RNF6: variants seen among roughly 807,000 people sequenced by gnomAD.
RNF6 encodes the protein ring finger protein 6.
Under a neutral mutation model 50.1 loss-of-function variants are expected in RNF6, and 21 were observed. That is an observed-to-expected ratio of 0.42 (90% CI 0.30 to 0.60). The LOEUF (loss-of-function observed/expected upper bound fraction) is 0.60. Ranked by LOEUF, RNF6 falls within the 20% of genes least tolerant of loss-of-function variation. The probability of loss-of-function intolerance (pLI) is 0.20; values close to 1 mark genes in which losing one functional copy is unlikely to be tolerated. For synonymous variants in RNF6, 255 were observed against 291.8 expected (o/e 0.87, Z 1.29); for missense variants, 698 against 838.2 (o/e 0.83, Z 2.07).
chr13:26,159,583 C>A (rs2137605458), intron 5 of RNF6, among the ~76,000 whole-genome samples: 1 of 152,040 alleles, frequency 6.6e-6, no homozygotes, highest in East Asian at 1.9e-4. Flanking sequence ...AGAGAACACG[C>A]TACTGCACTC....
chr13:26,203,225 A>T (rs1426754479), intron 5 of RNF6, among the ~76,000 whole-genome samples: 3 of 152,244 alleles, frequency 2.0e-5, no homozygotes, highest in Non-Finnish European at 4.4e-5. Flanking sequence ...GAGGCTTGGC[A>T]GACCTTAAGA....
chr13:26,160,098 A>C (rs76903109), intron 5 of RNF6, among the ~76,000 whole-genome samples: 20,163 of 152,134 alleles, frequency 0.13, 1,702 homozygotes, highest in Admixed American at 0.2. Flanking sequence ...CTCTAGAAAA[A>C]AAAATTGCCT....
chr13:26,150,758 G>A (rs1871549001), intron 5 of RNF6: 1 of 151,462 alleles, frequency 6.6e-6, no homozygotes, highest in Non-Finnish European at 1.5e-5. Context: ...ATACTTTTAT[G>A]TACAAGGCTA....
At position 26,141,158 on chromosome 13, in the gene RNF6, G is replaced by A. The variant is rs571865607; in HGVS notation, n.769-8707C>T. The stretch of plus-strand genomic sequence containing the variant: ...AATTCATATGGAACCAAAGAAGAGC[G>A]TGAATAGCCGAAGCAATCCTAAGCA... On this transcript the variant is annotated intron_variant and non_coding_transcript_variant, in intron 5 of 5. Coordinates refer to the RNF6 transcript ENST00000468480. Among the ~76,000 whole-genome samples, 54 of 152,194 alleles carry A rather than the reference G, an allele frequency of 3.5e-4. No individual in the cohort carries two copies. In the South Asian group the frequency reaches 8.1e-3, roughly 23 times the overall value.
intron 5 of RNF6, among the ~76,000 whole-genome samples, chr13:26,174,480 A>G (rs952007249): frequency 3.1e-5 from 4 of 128,150 alleles, no homozygotes; most frequent in Non-Finnish European, 7.1e-5. Context: ...GTGCAACCCC[A>G]TCTCTACTAA....
intron 5 of RNF6, among the ~76,000 whole-genome samples, chr13:26,152,258 C>T (rs1415406603): frequency 6.6e-6 from 1 of 152,194 alleles, no homozygotes; most frequent in Non-Finnish European, 1.5e-5. Flanking sequence ...GAAAGTTCTA[C>T]GTTTCCCACT....
At chr13:26,176,296 T>G (rs1438219277) in intron 5 of RNF6, among the ~76,000 whole-genome samples, 1 of 152,246 alleles carries the variant, frequency 6.6e-6, no homozygotes, top group African/African-American at 2.4e-5. Flanking sequence ...TCTTCTCTTT[T>G]TTTTAGAGAG....
intron 5 of RNF6, among the ~76,000 whole-genome samples, chr13:26,200,146 A>C (rs1230047537): frequency 6.6e-6 from 1 of 152,196 alleles, no homozygotes; most frequent in Non-Finnish European, 1.5e-5. Context: ...TTTGTAAGAT[A>C]CCCAGTCTAT....
At chr13:26,173,259 C>A (rs917070313) in intron 5 of RNF6, among the ~76,000 whole-genome samples, 3 of 152,120 alleles carry the variant, frequency 2.0e-5, no homozygotes, top group Non-Finnish European at 4.4e-5. Flanking sequence ...AAGTTACGAA[C>A]AAAGATATGC....
intron 5 of RNF6, among the ~76,000 whole-genome samples, chr13:26,191,649 C>T (rs374777470): frequency 7.9e-5 from 12 of 152,318 alleles, no homozygotes; most frequent in African/African-American, 1.2e-4. Context: ...GTGAAGAAGG[C>T]GCTTGCTTCC....
chr13:26,163,146 A>G (rs1280378722), intron 5 of RNF6, among the ~76,000 whole-genome samples: 2 of 151,746 alleles, frequency 1.3e-5, no homozygotes, highest in Non-Finnish European at 2.9e-5. Flanking sequence ...CTGTCTCTCT[A>G]CTAAAAATAC....
intron 5 of RNF6, among the ~76,000 whole-genome samples, chr13:26,182,282 T>G (rs1873277907): frequency 6.6e-6 from 1 of 152,222 alleles, no homozygotes; most frequent in Admixed American, 6.5e-5. Context: ...CTAGACATTT[T>G]TGAAGAGTTC....
intron 5 of RNF6, among the ~76,000 whole-genome samples, chr13:26,170,270 T>C (rs1343619287): frequency 1.3e-5 from 2 of 148,906 alleles, no homozygotes; most frequent in Admixed American, 1.3e-4. Flanking sequence ...AGAGTCAAGA[T>C]CCTAACTATT....
chr13:26,193,894 T>C (rs1051632076), intron 5 of RNF6, among the ~76,000 whole-genome samples: 1 of 152,228 alleles, frequency 6.6e-6, no homozygotes, highest in East Asian at 1.9e-4. Flanking sequence ...GTAGATGTAG[T>C]AGCACAAGCT....
At position 26,152,808 on chromosome 13, in the gene RNF6, T is replaced by C. The variant is rs112297672; in HGVS notation, n.769-20357A>G. ...ACATTAGAGAAGGGAGAAGTCAGCA[T>C]GGACTATAGCATTTGGTGAAGTTTG... On this transcript the variant is annotated intron_variant and non_coding_transcript_variant, in intron 5 of 5. Transcript: ENST00000468480. Among the ~76,000 whole-genome samples, 1,110 of 152,288 alleles carry C rather than the reference T, an allele frequency of 7.3e-3. 10 individuals carry two copies. Among genetic ancestry groups the C allele is most frequent in the African/African-American group, 0.026 (1,061 of 41,542 alleles).
chr13:26,220,068 A>G (rs1441484420), intron 2 of RNF6, among the ~76,000 whole-genome samples: 1 of 152,244 alleles, frequency 6.6e-6, no homozygotes, highest in Non-Finnish European at 1.5e-5. Flanking sequence ...TCTTCACTTA[A>G]TGAGCAAAGG....
In RNF6 at chr13:26,139,976, T is replaced by A. The variant is rs1211812165; in HGVS notation, n.769-7525A>T. On this transcript the variant is annotated intron_variant and non_coding_transcript_variant, in intron 5 of 5. Coordinates refer to the RNF6 transcript ENST00000468480. Reference sequence around the variant, plus strand: ...GTACCTGGGATTACAGGCATGAGCCTGTAATGAACCTGACCTTATTTCACT... The same window carrying A: ...GTACCTGGGATTACAGGCATGAGCCAGTAATGAACCTGACCTTATTTCACT... Among the ~76,000 whole-genome samples, 3 of 152,122 alleles carry A rather than the reference T, an allele frequency of 2.0e-5. No homozygotes were observed. The East Asian group carries it at 5.8e-4, about 29-fold the overall frequency.
chr13:26,167,728 A>G (rs139142019), intron 5 of RNF6, among the ~76,000 whole-genome samples: 1,812 of 152,330 alleles, frequency 0.012, 35 homozygotes, highest in African/African-American at 0.042. Flanking sequence ...AAATTGTTCT[A>G]CCATAAAGAC....
chr13:26,166,543 A>G (rs1872459751), intron 5 of RNF6, among the ~76,000 whole-genome samples: 1 of 152,208 alleles, frequency 6.6e-6, no homozygotes, highest in Non-Finnish European at 1.5e-5. Flanking sequence ...AATCCCTAGC[A>G]TTCCTATACA....
Sources: gnomAD v4.1 joint callset for allele counts (sites outside exome capture counted in the v4.1 genomes callset) on GRCh38, gnomAD v4.1.1 for gene constraint, MANE v1.5 for transcripts, NCBI Gene and HGNC (gene_info 2026-07-23, HGNC 2026-07-21) for gene names.